The following MARCHF6 variants were observed in gnomAD, a reference collection of about 807,000 sequenced individuals.
MARCHF6 encodes the protein E3 ubiquitin-protein ligase MARCHF6.
Under a neutral mutation model 133.7 loss-of-function variants are expected in MARCHF6, and 31 were observed. The observed-to-expected ratio is 0.23, with a 90% confidence interval of 0.17 to 0.31. The LOEUF (loss-of-function observed/expected upper bound fraction) is 0.31, where lower values mean the gene tolerates loss of function less well. Among genes scored for constraint, MARCHF6 ranks in the 10% least tolerant of loss-of-function variants. The pLI is 1.00. For missense variants in MARCHF6, 723 were observed against 1,121.6 expected (o/e 0.64, Z 5.08); for synonymous variants, 395 against 402.5 (o/e 0.98, Z 0.22).
chr5:10,353,891 C>G lies in MARCHF6; in HGVS notation c.-8C>G, dbSNP rs111344445. On this transcript the variant is annotated 5_prime_UTR_variant, in exon 1 of 26. Transcript: ENST00000274140. The stretch of plus-strand genomic sequence containing the variant: ...CGTGGCTGCGTCACCGCCGCCCCCC[C>G]AGACAAGATGGACACCGCGGAGGAA... The G allele has an allele frequency of 9.6e-6, 15 of 1,565,368 alleles. No homozygotes were observed. Among genetic ancestry groups the G allele is most frequent in the East Asian group, 2.4e-5 (1 of 41,836 alleles).
Position 10,433,936 on chromosome 5 carries a change from A to C in MARCHF6, c.*252A>C. On this transcript the variant is annotated 3_prime_UTR_variant, in exon 26 of 26. Coordinates refer to ENST00000274140, the MANE Select transcript of MARCHF6 (RefSeq NM_005885.4). ...GATACCCTAAAACCTTGGATTAAAC[A>C]GAATGTGCATTGTACATCTTTAAAC... 2.1e-6 allele frequency: 1 copy of C among 465,228 alleles called. No individual in the cohort carries two copies. Among genetic ancestry groups the C allele is most frequent in the East Asian group, 4.0e-5 (1 of 24,864 alleles). The allele number at this position is 465,228 out of a possible 1,614,324, so 28.8% of individuals were successfully genotyped here. A position where few individuals can be genotyped will look rare whatever the true frequency, so the allele number is the denominator to read the frequency against.
chr5:10,358,034 C>A (rs1735587161), intron 1 of MARCHF6, among the ~76,000 whole-genome samples: 1 of 140,038 alleles, frequency 7.1e-6, no homozygotes, highest in Admixed American at 7.7e-5. Flanking sequence ...GTGGCGCGAT[C>A]TTGGCTCACT....
At chr5:10,405,727 C>T (rs1312738000) in intron 16 of MARCHF6, 50 bp downstream of exon 16, 1 of 1,526,656 alleles carries the variant, frequency 6.6e-7, no homozygotes, top group Admixed American at 2.3e-5. Flanking sequence ...TTGTGCTAAC[C>T]TATAGTTTTG....
chr5:10,401,787 CTT>C, intron 11 of MARCHF6: 1 of 499,140 alleles, frequency 2.0e-6, no homozygotes, highest in Non-Finnish European at 3.5e-6. Flanking sequence ...TTACAGTGCT[CTT>C]GTTTTTGTAA....
chr5:10,416,190 A>G (rs1739503096), intron 21 of MARCHF6, among the ~76,000 whole-genome samples: 1 of 152,222 alleles, frequency 6.6e-6, no homozygotes, highest in Non-Finnish European at 1.5e-5. Flanking sequence ...TAGGATAAAA[A>G]AAATACTGTA....
At chr5:10,408,954 A>G (rs999732375) in intron 17 of MARCHF6, among the ~76,000 whole-genome samples, 2 of 152,128 alleles carry the variant, frequency 1.3e-5, no homozygotes, top group Non-Finnish European at 2.9e-5. Context: ...TGTCTTATTT[A>G]GGTCTTTTTC....
intron 25 of MARCHF6, among the ~76,000 whole-genome samples, chr5:10,430,521 G>A (rs1185151270): frequency 6.6e-6 from 1 of 152,096 alleles, no homozygotes; most frequent in African/African-American, 2.4e-5. Flanking sequence ...GGCTAGGATT[G>A]TGTCGATCTC....
At chr5:10,386,780 A>G (rs144266954) in intron 4 of MARCHF6, 6,660 of 404,574 alleles carry the variant, frequency 0.016, 95 homozygotes, top group South Asian at 0.051. Context: ...TCTAAGTGCT[A>G]AACATGATTG....
intron 24 of MARCHF6, among the ~76,000 whole-genome samples, chr5:10,428,331 GTTTTTTTTTTTTTTTT>G (rs10604024): frequency 1.3e-5 from 1 of 75,784 alleles, no homozygotes; most frequent in African/African-American, 5.3e-5. Context: ...TTGCTTTTTA[GTTTTTTTTTTTTTTTT>G]TTTTTTTTTT....
chr5:10,360,971 A>G (rs1216870565), intron 1 of MARCHF6, among the ~76,000 whole-genome samples: 1 of 152,236 alleles, frequency 6.6e-6, no homozygotes, highest in African/African-American at 2.4e-5. Flanking sequence ...AAGACTATGA[A>G]GATCACTTAT....
chr5:10,395,557 G>A (rs1390327989), intron 9 of MARCHF6, among the ~76,000 whole-genome samples: 1 of 152,156 alleles, frequency 6.6e-6, no homozygotes, highest in Non-Finnish European at 1.5e-5. Context: ...GTTCTTTAAA[G>A]AAGAAATGGT....
At chr5:10,400,640 A>C (rs1045997206) in intron 10 of MARCHF6, 144 bp from the exon 11 acceptor site, 59 of 625,700 alleles carry the variant, frequency 9.4e-5, no homozygotes, top group Middle Eastern at 5.1e-4. Context: ...GTTACAGAGA[A>C]TGTCCTAGGC....
At chr5:10,404,215 C>T (rs1268801535) in intron 15 of MARCHF6, among the ~76,000 whole-genome samples, 1 of 151,880 alleles carries the variant, frequency 6.6e-6, no homozygotes, top group African/African-American at 2.4e-5. Flanking sequence ...CTGCAGGCAC[C>T]CACCACCATG....
At chr5:10,376,460 C>A (rs1409408451) in intron 1 of MARCHF6, among the ~76,000 whole-genome samples, 2 of 152,206 alleles carry the variant, frequency 1.3e-5, no homozygotes, top group African/African-American at 4.8e-5. Flanking sequence ...TAACACTCAC[C>A]GCGAGGGTCC....
intron 23 of MARCHF6, 109 bp downstream of exon 23, chr5:10,423,933 T>G (rs1171131284): frequency 1.4e-6 from 1 of 691,694 alleles, no homozygotes; most frequent in African/African-American, 1.9e-5. Context: ...TTTTCTACAT[T>G]TTTTTTGATG....
intron 15 of MARCHF6, among the ~76,000 whole-genome samples, chr5:10,405,316 G>GC (rs889913237): frequency 1.6e-4 from 24 of 149,046 alleles, no homozygotes; most frequent in African/African-American, 5.7e-4. Flanking sequence ...CCCAATGAAT[G>GC]TTTTTTTTTT....
intron 4 of MARCHF6, among the ~76,000 whole-genome samples, chr5:10,382,204 TC>T (rs1236041912): frequency 6.6e-6 from 1 of 151,990 alleles, no homozygotes; most frequent in African/African-American, 2.4e-5. Context: ...GTTGAAAAAA[TC>T]AAATCAAATC....
intron 23 of MARCHF6, 144 bp from the exon 24 acceptor site, chr5:10,426,246 A>T (rs779688955): frequency 4.9e-6 from 4 of 810,098 alleles, no homozygotes; most frequent in Non-Finnish European, 6.1e-6. Context: ...TTATGTTGAT[A>T]TACCAGAATT....
Sources: gnomAD v4.1 joint callset for allele counts (sites outside exome capture counted in the v4.1 genomes callset) on GRCh38, gnomAD v4.1.1 for gene constraint, MANE v1.5 for transcripts, NCBI Gene and HGNC (gene_info 2026-07-23, HGNC 2026-07-21) for gene names.